The following PLGRKT variants were observed in gnomAD, a reference collection of about 807,000 sequenced individuals.
PLGRKT encodes the protein plasminogen receptor (KT).
In PLGRKT, 22 loss-of-function variants were observed where a neutral mutation model predicts 18.5. That is an observed-to-expected ratio of 1.19 (90% CI 0.85 to 1.70). The LOEUF is 1.70. PLGRKT is among the 40% of genes most tolerant of loss of function. The probability of loss-of-function intolerance (pLI) is 0.00; values close to 1 mark genes in which losing one functional copy is unlikely to be tolerated. For missense variants in PLGRKT, 235 were observed against 174.4 expected, an observed-to-expected ratio of 1.35 and a Z score of -1.96; for synonymous variants, 72 against 52.8, an observed-to-expected ratio of 1.36 and a Z score of -1.58.
At chr9:5,384,094 A>G (rs1414985440) in intron 3 of PLGRKT, among the ~76,000 whole-genome samples, 1 of 152,192 alleles carries the variant, frequency 6.6e-6, no homozygotes, top group Non-Finnish European at 1.5e-5. Context: ...TCTGAGACTC[A>G]GGCAGGAGGT....
intron 3 of PLGRKT, among the ~76,000 whole-genome samples, chr9:5,383,829 C>A (rs1375653995): frequency 6.6e-6 from 1 of 152,170 alleles, no homozygotes; most frequent in Admixed American, 6.5e-5. Flanking sequence ...TCCTAATGGG[C>A]CAATGACCAG....
In PLGRKT at chr9:5,431,908, C is replaced by G. The variant is rs1360897518; in HGVS notation, c.70G>C (p.Ala24Pro). Residue 24 changes from alanine to proline, a missense_variant, in exon 3 of 6, where the codon GCT (alanine) becomes CCT (proline). By Grantham distance (27) the Ala-to-Pro change is conservative. Coordinates refer to ENST00000223864, the MANE Select transcript of PLGRKT (RefSeq NM_018465.4). ...ATTTTAAAACATACCTGAAGTCGAG[C>G]ATTCATAAGCATGAACTCCTTTTGA... ...KNQKEFMLMN[A>P]RLQLERQLIM... The G allele has an allele frequency of 2.6e-5, 39 of 1,488,690 alleles. No homozygotes were observed. The highest frequency in any genetic ancestry group is 5.5e-5 in the African/African-American group (4 of 72,526). 92.2% of individuals were successfully genotyped at this position (1,488,690 alleles called of 1,614,324 possible). A position where few individuals can be genotyped will look rare whatever the true frequency, so the allele number is the denominator to read the frequency against.
chr9:5,384,530 T>A (rs1817805845), intron 3 of PLGRKT, among the ~76,000 whole-genome samples: 1 of 152,096 alleles, frequency 6.6e-6, no homozygotes, highest in Admixed American at 6.6e-5. Flanking sequence ...GAAGGTAAAG[T>A]CAAAATTTCA....
At chr9:5,382,472 C>G (rs1043002180) in intron 3 of PLGRKT, among the ~76,000 whole-genome samples, 9 of 152,088 alleles carry the variant, frequency 5.9e-5, no homozygotes, top group African/African-American at 1.9e-4. Context: ...GCAGAGGGAA[C>G]AGCATGGGCC....
At chr9:5,411,256 G>A (rs1818358387) in intron 3 of PLGRKT, among the ~76,000 whole-genome samples, 1 of 151,834 alleles carries the variant, frequency 6.6e-6, no homozygotes, top group African/African-American at 2.4e-5. Context: ...ACAGTGGCAT[G>A]CGTCTATAAT....
At chr9:5,435,181 C>A (rs955554535) in intron 2 of PLGRKT, among the ~76,000 whole-genome samples, 2 of 152,112 alleles carry the variant, frequency 1.3e-5, no homozygotes, top group Non-Finnish European at 2.9e-5. Context: ...CAAACAGGGC[C>A]AAAGGCCGCA....
intron 3 of PLGRKT, among the ~76,000 whole-genome samples, chr9:5,362,752 G>A (rs531914689): frequency 1.6e-4 from 25 of 152,280 alleles, no homozygotes; most frequent in Admixed American, 5.9e-4. Flanking sequence ...GAGGGGAGTA[G>A]CTGGGAGGGG....
intron 3 of PLGRKT, among the ~76,000 whole-genome samples, chr9:5,416,713 TA>T (rs1445772178): frequency 6.6e-6 from 1 of 152,230 alleles, no homozygotes; most frequent in Non-Finnish European, 1.5e-5. Flanking sequence ...TGAACAAATC[TA>T]AAAACTGTGT....
intron 1 of PLGRKT, among the ~76,000 whole-genome samples, chr9:5,437,191 G>A (rs551122065): frequency 2.6e-5 from 4 of 152,266 alleles, no homozygotes; most frequent in African/African-American, 9.6e-5. Context: ...GTGCCTGCAA[G>A]TTCCAGACAA....
chr9:5,431,912 C>G lies in PLGRKT; in HGVS notation c.66G>C (p.Met22Ile), dbSNP rs755590473. 6.0e-6 allele frequency: 9 copies of G among 1,512,584 alleles called. No homozygotes were observed. In the African/African-American group the frequency reaches 1.2e-4, roughly 21 times the overall value. The allele number at this position is 1,512,584 out of a possible 1,614,324, so 93.7% of individuals were successfully genotyped here. Residue 22 changes from methionine (M) to isoleucine (I), a missense_variant, in exon 3 of 6, where the codon ATG becomes ATC. Coordinates refer to ENST00000223864, the MANE Select transcript of PLGRKT (RefSeq NM_018465.4). The stretch of plus-strand genomic sequence containing the variant: ...TAAAACATACCTGAAGTCGAGCATT[C>G]ATAAGCATGAACTCCTTTTGATTTT... The part of the protein sequence containing the change: ...SMKNQKEFML[M>I]NARLQLERQL...
intron 3 of PLGRKT, among the ~76,000 whole-genome samples, chr9:5,368,562 T>A (rs1021214659): frequency 1.3e-5 from 2 of 151,958 alleles, no homozygotes; most frequent in Non-Finnish European, 2.9e-5. Flanking sequence ...ATGGCAACAA[T>A]AGACACCAAG....
chr9:5,359,493 A>T (rs1323293477), intron 5 of PLGRKT, among the ~76,000 whole-genome samples: 1 of 152,200 alleles, frequency 6.6e-6, no homozygotes, highest in Non-Finnish European at 1.5e-5. Flanking sequence ...TTATAAAATT[A>T]TATGTAATTA....
intron 1 of PLGRKT, among the ~76,000 whole-genome samples, chr9:5,437,281 C>T (rs1818978696): frequency 6.6e-6 from 1 of 152,186 alleles, no homozygotes; most frequent in Non-Finnish European, 1.5e-5. Flanking sequence ...TGAATTCTGT[C>T]ATCGGGATTA....
At chr9:5,384,046 T>C (rs1240705365) in intron 3 of PLGRKT, among the ~76,000 whole-genome samples, 1 of 152,226 alleles carries the variant, frequency 6.6e-6, no homozygotes, top group Non-Finnish European at 1.5e-5. Flanking sequence ...TGACCATTTG[T>C]GGCAGCCCTG....
rs571053408 is a variant in PLGRKT, at chr9:5,386,578, A to G, written c.82-24690T>C. Among the ~76,000 whole-genome samples, 116 of 152,038 alleles carry G rather than the reference A, an allele frequency of 7.6e-4. 1 individual carries two copies. Among genetic ancestry groups the G allele is most frequent in the Middle Eastern group, 3.4e-3 (1 of 294 alleles). On this transcript the variant is annotated intron_variant, in intron 3 of 5. Coordinates refer to ENST00000223864, the MANE Select transcript of PLGRKT (RefSeq NM_018465.4). ...AATTCTGGCCTCAATTAAAGAGGCC[A>G]TATAATCAACACAGGCACTATAGAG...
intron 3 of PLGRKT, among the ~76,000 whole-genome samples, chr9:5,425,092 A>G (rs1440863147): frequency 6.6e-6 from 1 of 152,186 alleles, no homozygotes; most frequent in East Asian, 1.9e-4. Flanking sequence ...CTGCCCAGCT[A>G]ATCTTTACAT....
chr9:5,412,102 C>G (rs1478358687), intron 3 of PLGRKT, among the ~76,000 whole-genome samples: 1 of 152,134 alleles, frequency 6.6e-6, no homozygotes, highest in Non-Finnish European at 1.5e-5. Context: ...TAGTACATGA[C>G]TAGACAAACT....
At position 5,418,748 on chromosome 9, in the gene PLGRKT, C is replaced by G. The variant is rs1818514345; in HGVS notation, c.81+13149G>C. Reference sequence around the variant, plus strand: ...TCCGAAGCGTGTGGAATGGTGATGACAGCCAGGACCTCGGGGTCGTCGAGG... The same window carrying G: ...TCCGAAGCGTGTGGAATGGTGATGAGAGCCAGGACCTCGGGGTCGTCGAGG... On this transcript the variant is annotated intron_variant, in intron 3 of 5. Coordinates refer to ENST00000223864, the MANE Select transcript of PLGRKT (RefSeq NM_018465.4). The surrounding 1 kb of genome is among the most constrained non-coding windows in gnomAD (Gnocchi z 4.2). 2.0e-5 allele frequency: 14 copies of G among 692,440 alleles called. No individual in the cohort carries two copies. In the South Asian group the frequency reaches 2.1e-4, roughly 11 times the overall value. 42.9% of individuals were successfully genotyped at this position (692,440 alleles called of 1,614,324 possible). A position where few individuals can be genotyped will look rare whatever the true frequency, so the allele number is the denominator to read the frequency against.
intron 3 of PLGRKT, among the ~76,000 whole-genome samples, chr9:5,363,567 G>A (rs543414047): frequency 2.0e-5 from 3 of 152,250 alleles, no homozygotes; most frequent in East Asian, 1.9e-4. Flanking sequence ...CATGCTCTCT[G>A]TGAGGTCTGC....
Sources: allele counts gnomAD v4.1 joint callset (sites outside exome capture counted in the v4.1 genomes callset), GRCh38; gene constraint gnomAD v4.1.1; non-coding constraint Gnocchi (gnomAD v3.1); transcripts MANE v1.5; gene names NCBI Gene and HGNC (gene_info 2026-07-23, HGNC 2026-07-21).